The following AGAP3 variants were observed in gnomAD, a reference collection of about 807,000 sequenced individuals.
AGAP3 encodes the protein ArfGAP with GTPase domain, ankyrin repeat and PH domain 3.
AGAP3 carries 24 observed loss-of-function variants against 96.9 expected under a neutral mutation model. That is an observed-to-expected ratio of 0.25 (90% CI 0.18 to 0.35). The LOEUF is 0.35. Among genes scored for constraint, AGAP3 ranks in the 10% least tolerant of loss-of-function variants. The pLI, the probability that AGAP3 is intolerant of heterozygous loss-of-function variation, is 1.00. For missense variants in AGAP3, 876 were observed against 1,254.2 expected (o/e 0.70, Z 4.55); for synonymous variants, 563 against 536.1 (o/e 1.05, Z -0.69).
intron 9 of AGAP3, among the ~76,000 whole-genome samples, chr7:151,127,436 G>A (rs1800225149): frequency 6.6e-6 from 1 of 152,196 alleles, no homozygotes; most frequent in South Asian, 2.1e-4. Flanking sequence ...TCCCAGCTGA[G>A]GGTGAGCCCC....
chr7:151,112,775 T>C (rs1027967951), intron 1 of AGAP3, among the ~76,000 whole-genome samples: 1 of 151,898 alleles, frequency 6.6e-6, no homozygotes, highest in Non-Finnish European at 1.5e-5. Flanking sequence ...ATTTTTCATA[T>C]TTTTTTTGTA....
chr7:151,094,937 C>T (rs1585037162), intron 1 of AGAP3, among the ~76,000 whole-genome samples: 1 of 151,816 alleles, frequency 6.6e-6, no homozygotes, highest in Admixed American at 6.6e-5. Context: ...TGTAGTGACG[C>T]GATCGTAGCT....
At position 151,108,275 on chromosome 7, in the gene AGAP3, C is replaced by G. The variant is rs1300354308; in HGVS notation, c.332-8518C>G. Reference sequence around the variant, plus strand: ...TGGATAGACAGGAAAACAAACTGCTCTCAAGTACCATCTGTAGTACTACAA... The same window carrying G: ...TGGATAGACAGGAAAACAAACTGCTGTCAAGTACCATCTGTAGTACTACAA... On this transcript the variant is annotated intron_variant, in intron 1 of 17. Transcript: ENST00000397238. The surrounding 1 kb of genome is among the most constrained non-coding windows in gnomAD (Gnocchi z 4.2). 3.9e-5 allele frequency among the ~76,000 whole-genome samples: 6 copies of G among 152,214 alleles called. No individual in the cohort carries two copies. In the South Asian group the frequency reaches 1.0e-3, roughly 26 times the overall value.
intron 5 of AGAP3, 199 bp downstream of exon 5, chr7:151,117,976 C>T: frequency 1.1e-6 from 1 of 892,680 alleles, no homozygotes; most frequent in Non-Finnish European, 1.7e-6. Context: ...CTGTGACTAG[C>T]AGGTCTGTGT....
At position 151,104,274 on chromosome 7, in the gene AGAP3, C is replaced by T. The variant is rs575568115; in HGVS notation, c.332-12519C>T. ...ATCTTCCCACTCTTATCTTTAGTGT[C>T]GCCCTTGTGTCATGGATTTTGTTGT... On this transcript the variant is annotated intron_variant, in intron 1 of 17. Coordinates refer to ENST00000397238, the MANE Select transcript of AGAP3 (RefSeq NM_031946.7). Among the ~76,000 whole-genome samples, 14 of 152,264 alleles carry T rather than the reference C, an allele frequency of 9.2e-5. No individual in the cohort carries two copies. In the South Asian group the frequency reaches 2.3e-3, roughly 25 times the overall value.
At position 151,110,610 on chromosome 7, in the gene AGAP3, G is replaced by A. The variant is rs531806037; in HGVS notation, c.332-6183G>A. Among the ~76,000 whole-genome samples, 82 of 152,156 alleles carry A rather than the reference G, an allele frequency of 5.4e-4. No homozygotes were observed. The East Asian group carries it at 0.012, about 22-fold the overall frequency. On this transcript the variant is annotated intron_variant, in intron 1 of 17. Coordinates refer to ENST00000397238, the MANE Select transcript of AGAP3 (RefSeq NM_031946.7). ...ACCAGGTTCTGGTCTGAAGAGGTCCGCCCCAGCTGTAAAGGAAATCACTTG... is the reference window on the plus strand; with the variant it reads ...ACCAGGTTCTGGTCTGAAGAGGTCCACCCCAGCTGTAAAGGAAATCACTTG...
chr7:151,143,352 A>G lies in AGAP3; in HGVS notation c.2285A>G (p.Glu762Gly), dbSNP rs1455727640. ...GCCTGTGGTTGCAGAGAGGAGAAGG[A>G]ACGCTGGATACGGGCCAAGTATGAA... ...PGPDACREEK[E>G]RWIRAKYEQK... is the part of the protein sequence containing the mutation. The change falls in exon 17 of 18, where the codon GAA (glutamate) becomes GGA (glycine). Residue 762 changes from glutamate (E) to glycine (G), a missense_variant. By Grantham distance (98) the Glu-to-Gly change is moderately conservative. Transcript: ENST00000397238. This position sits in a 1 kb window ranked among gnomAD's most constrained non-coding sequence, Gnocchi z 5.9. The G allele has an allele frequency of 6.2e-7, 1 of 1,611,540 alleles. No individual in the cohort carries two copies. The highest frequency in any genetic ancestry group is 8.5e-7 in the Non-Finnish European group (1 of 1,178,260).
intron 1 of AGAP3, among the ~76,000 whole-genome samples, chr7:151,115,947 CT>C (rs1016554836): frequency 1.3e-5 from 2 of 152,170 alleles, no homozygotes; most frequent in African/African-American, 4.8e-5. Context: ...CCGGTTGCCC[CT>C]GTGCATGAGG....
In AGAP3 at chr7:151,086,669, TGCCGCCGCCGCCGCC is replaced by T. The variant is rs570588152; in HGVS notation, c.-63_-49del. On this transcript the variant is annotated 5_prime_UTR_variant, in exon 1 of 18. Transcript: ENST00000397238. ...CCAGCCCCGCGCTCCCGCTCGCCGCTGCCGCCGCCGCCGCCGCCGCCGCCTCCGCCGCGCCGCCCC... is the reference window on the plus strand; with the variant it reads ...CCAGCCCCGCGCTCCCGCTCGCCGCTGCCGCCGCCTCCGCCGCGCCGCCCC... The T allele has an allele frequency of 2.4e-3, 387 of 158,938 alleles. 2 individuals carry two copies. The highest frequency in any genetic ancestry group is 4.2e-3 in the Non-Finnish European group (327 of 78,460). 9.8% of individuals were successfully genotyped at this position (158,938 alleles called of 1,614,324 possible).
In AGAP3 at chr7:151,114,523, C is replaced by T. The variant is rs958677334; in HGVS notation, c.332-2270C>T. ...CAGGGGCTGCCCCAGCAGGCCGGCT[C>T]CCCCGCGCCGCGCCGCCGTTCCCGG... On this transcript the variant is annotated intron_variant, in intron 1 of 17. Transcript: ENST00000397238. This position sits in a 1 kb window ranked among gnomAD's most constrained non-coding sequence, Gnocchi z 4.4. Among the ~76,000 whole-genome samples, 4 of 152,182 alleles carry T rather than the reference C, an allele frequency of 2.6e-5. No individual in the cohort carries two copies. The highest frequency in any genetic ancestry group is 4.4e-5 in the Non-Finnish European group (3 of 68,018).
rs76717916 is a variant in AGAP3 at position 151,114,361 on chromosome 7, T to A, written c.332-2432T>A. Among the ~76,000 whole-genome samples, 581 of 152,334 alleles carry A rather than the reference T, an allele frequency of 3.8e-3. 5 individuals carry two copies. The highest frequency in any genetic ancestry group is 0.013 in the African/African-American group (555 of 41,574). On this transcript the variant is annotated intron_variant, in intron 1 of 17. Transcript: ENST00000397238. The surrounding 1 kb of genome is among the most constrained non-coding windows in gnomAD (Gnocchi z 4.4). The stretch of plus-strand genomic sequence containing the variant: ...TTTGAAGAATGAGAAATGGCCCGCT[T>A]TTCTCCAAAATGGGGCCCAGTGTGT...
At chr7:151,122,887 C>G (rs1433058423) in intron 8 of AGAP3, 4 of 1,544,156 alleles carry the variant, frequency 2.6e-6, no homozygotes, top group Non-Finnish European at 3.5e-6. Context: ...AAGCGGCCGC[C>G]GAGCTCCCCA....
chr7:151,127,795 A>C (rs1018417000), intron 9 of AGAP3, among the ~76,000 whole-genome samples: 2 of 152,150 alleles, frequency 1.3e-5, no homozygotes, highest in Non-Finnish European at 2.9e-5. Flanking sequence ...GTCTCCTTCT[A>C]TCTTCCTAGT....
intron 5 of AGAP3, 99 bp downstream of exon 5, chr7:151,117,876 C>T (rs1799673660): frequency 2.1e-6 from 3 of 1,446,088 alleles, no homozygotes; most frequent in Non-Finnish European, 2.7e-6. Flanking sequence ...CCCCAAGCCC[C>T]TACTCTTTTC....
intron 1 of AGAP3, among the ~76,000 whole-genome samples, chr7:151,088,879 C>G (rs1798263939): frequency 6.6e-6 from 1 of 152,216 alleles, no homozygotes; most frequent in South Asian, 2.1e-4. Flanking sequence ...CCCTGACCGA[C>G]TTCTCCATTG....
chr7:151,116,037 G>A (rs1799564484), intron 1 of AGAP3, among the ~76,000 whole-genome samples: 1 of 152,214 alleles, frequency 6.6e-6, no homozygotes, highest in African/African-American at 2.4e-5. Context: ...AGCCAGGGAG[G>A]GAAGCAGTGC....
intron 11 of AGAP3, 130 bp downstream of exon 11, chr7:151,134,698 T>A: frequency 1.0e-6 from 1 of 972,498 alleles, no homozygotes; most frequent in Non-Finnish European, 1.5e-6. Context: ...CAAGGTCATC[T>A]CAGCCAAAGA....
In AGAP3 at chr7:151,114,180, A is replaced by G. The variant is rs537623165; in HGVS notation, c.332-2613A>G. Among the ~76,000 whole-genome samples the G allele has an allele frequency of 2.6e-5, 4 of 152,348 alleles. No homozygotes were observed. The East Asian group carries it at 7.7e-4, about 29-fold the overall frequency. On this transcript the variant is annotated intron_variant, in intron 1 of 17. Coordinates refer to ENST00000397238, the MANE Select transcript of AGAP3 (RefSeq NM_031946.7). The surrounding 1 kb of genome is among the most constrained non-coding windows in gnomAD (Gnocchi z 4.4). ...GTAGCAGCCAGCAACTCTCGACCTC[A>G]GAATGTCAGAGCCGAAACTAAGACA...
At chr7:151,138,035 C>T in intron 11 of AGAP3, 108 bp from the exon 12 acceptor site, 1 of 905,670 alleles carries the variant, frequency 1.1e-6, no homozygotes, top group East Asian at 2.7e-5. Flanking sequence ...ACCCAGTGCC[C>T]TGCTGAATGT....
Sources: gnomAD v4.1 joint callset for allele counts (sites outside exome capture counted in the v4.1 genomes callset) on GRCh38, gnomAD v4.1.1 for gene constraint, Gnocchi (gnomAD v3.1) non-coding constraint, MANE v1.5 for transcripts, NCBI Gene and HGNC (gene_info 2026-07-23, HGNC 2026-07-21) for gene names.